CAMTA1: variants seen among roughly 807,000 people sequenced by gnomAD.
CAMTA1 encodes the protein calmodulin-binding transcription activator 1.
Under a neutral mutation model 170.9 loss-of-function variants are expected in CAMTA1, and 27 were observed. That is an observed-to-expected ratio of 0.16 (90% CI 0.12 to 0.22). The LOEUF is 0.22. CAMTA1 is among the 10% of genes least tolerant of loss of function. CAMTA1 has a pLI of 1.00. For synonymous variants in CAMTA1, 833 were observed against 891.5 expected, an observed-to-expected ratio of 0.93 and a Z score of 1.17; for missense variants, 1,619 against 2,217.2, an observed-to-expected ratio of 0.73 and a Z score of 5.42.
intron 2 of CAMTA1, among the ~76,000 whole-genome samples, chr1:6,822,823 C>A (rs1383272136): frequency 6.7e-6 from 1 of 150,102 alleles, no homozygotes; most frequent in African/African-American, 2.5e-5. Context: ...CACACACACA[C>A]ACAAACACAC....
intron 5 of CAMTA1, among the ~76,000 whole-genome samples, chr1:7,259,914 G>A (rs1667928038): frequency 6.6e-6 from 1 of 152,178 alleles, no homozygotes; most frequent in Non-Finnish European, 1.5e-5. Flanking sequence ...CACTGCTATA[G>A]CCCAGTGCTT....
intron 3 of CAMTA1, among the ~76,000 whole-genome samples, chr1:6,988,211 T>G (rs1695683151): frequency 4.6e-5 from 7 of 151,862 alleles, no homozygotes. Context: ...GTGGTGCGGG[T>G]GCGCTGGGTG....
intron 3 of CAMTA1, among the ~76,000 whole-genome samples, chr1:6,997,656 C>CTTTTTTTTTTTTTTTTTTTT (rs201500847): frequency 7.8e-6 from 1 of 128,412 alleles, no homozygotes; most frequent in Non-Finnish European, 1.6e-5. Context: ...CCTTTCTTTT[C>CTTTTTTTTTTTTTTTTTTTT]TTTCTTTTTT....
chr1:7,106,649 GC>G (rs1322696915), intron 4 of CAMTA1, among the ~76,000 whole-genome samples: 1 of 152,006 alleles, frequency 6.6e-6, no homozygotes, highest in African/African-American at 2.4e-5. Flanking sequence ...AGTATTTATA[GC>G]CCCGTGGAAC....
intron 3 of CAMTA1, among the ~76,000 whole-genome samples, chr1:6,923,235 G>A (rs375277466): frequency 1.3e-5 from 2 of 152,118 alleles, no homozygotes. Flanking sequence ...GACCAGTGAT[G>A]GCTGCAGTGG....
chr1:6,812,909 G>T (rs1328209105), intron 1 of CAMTA1, among the ~76,000 whole-genome samples: 1 of 152,150 alleles, frequency 6.6e-6, no homozygotes, highest in Non-Finnish European at 1.5e-5. Flanking sequence ...TCAATTCTAG[G>T]TGTTGAACTC....
intron 4 of CAMTA1, among the ~76,000 whole-genome samples, chr1:7,225,721 C>G (rs1166771574): frequency 6.6e-6 from 1 of 152,202 alleles, no homozygotes; most frequent in Non-Finnish European, 1.5e-5. Context: ...TGGAGAAGGT[C>G]ACAGGCGCAT....
At chr1:7,741,066 A>T (rs1307245937) in intron 16 of CAMTA1, among the ~76,000 whole-genome samples, 1 of 152,216 alleles carries the variant, frequency 6.6e-6, no homozygotes, top group Non-Finnish European at 1.5e-5. Flanking sequence ...GGAATTTGTT[A>T]GGAAGGGACT....
At chr1:7,187,860 C>T (rs918982209) in intron 4 of CAMTA1, among the ~76,000 whole-genome samples, 5 of 152,170 alleles carry the variant, frequency 3.3e-5, no homozygotes, top group Admixed American at 6.5e-5. Flanking sequence ...TTCTTGGAGA[C>T]AGCTCTTTTG....
At chr1:6,848,503 T>G (rs2148778049) in intron 3 of CAMTA1, among the ~76,000 whole-genome samples, 1 of 152,288 alleles carries the variant, frequency 6.6e-6, no homozygotes, top group Non-Finnish European at 1.5e-5. Context: ...TTTTATGCAG[T>G]TACCCTGTGG....
intron 6 of CAMTA1, among the ~76,000 whole-genome samples, chr1:7,558,877 G>T (rs1222137548): frequency 2.0e-5 from 3 of 152,246 alleles, no homozygotes; most frequent in Non-Finnish European, 4.4e-5. Flanking sequence ...TAATTTAATT[G>T]GATTTTTTTA....
intron 3 of CAMTA1, chr1:6,853,171 A>G (rs1436855877): frequency 6.6e-6 from 1 of 152,236 alleles, no homozygotes; most frequent in Non-Finnish European, 1.5e-5. Context: ...TGAAGACCAA[A>G]GAAAGGAGAA....
At position 7,426,425 on chromosome 1, in the gene CAMTA1, G is replaced by C. The variant is rs1322616402; in HGVS notation, c.439-41405G>C. On this transcript the variant is annotated intron_variant, in intron 5 of 22. Coordinates refer to ENST00000303635, the MANE Select transcript of CAMTA1 (RefSeq NM_015215.4). The surrounding 1 kb of genome is among the most constrained non-coding windows in gnomAD (Gnocchi z 4.8). ...CTCCCCCAAAAAACTGCCTACCTGG[G>C]TTTCCAACTTGCAGCCCATTATCTA... Among the ~76,000 whole-genome samples, 1 of 152,174 alleles carries C rather than the reference G, an allele frequency of 6.6e-6. No individual in the cohort carries two copies. The highest frequency in any genetic ancestry group is 1.5e-5 in the Non-Finnish European group (1 of 68,028).
chr1:7,119,295 G>A (rs373586523), intron 4 of CAMTA1, among the ~76,000 whole-genome samples: 2 of 152,058 alleles, frequency 1.3e-5, no homozygotes, highest in African/African-American at 4.8e-5. Flanking sequence ...GTCTAAGCCC[G>A]AACCCAGATG....
intron 6 of CAMTA1, among the ~76,000 whole-genome samples, chr1:7,616,793 G>C (rs2095562034): frequency 6.6e-6 from 1 of 152,224 alleles, no homozygotes; most frequent in Non-Finnish European, 1.5e-5. Context: ...GGAGGGGTGA[G>C]CGCAGAAGCT....
chr1:7,429,718 A>G (rs1478220458), intron 5 of CAMTA1, among the ~76,000 whole-genome samples: 1 of 145,374 alleles, frequency 6.9e-6, no homozygotes, highest in Non-Finnish European at 1.5e-5. Context: ...GTAAAGAGAT[A>G]CTTGAGACTG....
At chr1:6,825,596 A>G (rs966756841) in intron 3 of CAMTA1, among the ~76,000 whole-genome samples, 5 of 152,218 alleles carry the variant, frequency 3.3e-5, no homozygotes, top group Non-Finnish European at 7.3e-5. Flanking sequence ...TAGTGTCTTG[A>G]CAATGTGAAT....
intron 3 of CAMTA1, among the ~76,000 whole-genome samples, chr1:6,885,241 C>T (rs1412120342): frequency 1.3e-5 from 2 of 152,272 alleles, no homozygotes; most frequent in Middle Eastern, 3.4e-3. Context: ...TAAATTACAA[C>T]ACATGTTATG....
rs997249820 is a variant in CAMTA1, at chr1:6,887,505, C to T, written c.234+62295C>T. 3.4e-5 allele frequency: 39 copies of T among 1,148,316 alleles called. No homozygotes were observed. The highest frequency in any genetic ancestry group is 7.8e-5 in the South Asian group (5 of 63,988). 71.1% of individuals were successfully genotyped at this position (1,148,316 alleles called of 1,614,324 possible). ...AGATACATACCTGTTCATCTGTATA[C>T]GTATGTGTGTGTTTAATATATACTT... is the stretch of plus-strand genomic sequence containing the variant. On this transcript the variant is annotated intron_variant, in intron 3 of 22. Coordinates refer to ENST00000303635, the MANE Select transcript of CAMTA1 (RefSeq NM_015215.4). The surrounding 1 kb of genome is among the most constrained non-coding windows in gnomAD (Gnocchi z 4.1).
Sources: gnomAD v4.1 joint callset for allele counts (sites outside exome capture counted in the v4.1 genomes callset) on GRCh38, gnomAD v4.1.1 for gene constraint, Gnocchi (gnomAD v3.1) non-coding constraint, MANE v1.5 for transcripts, NCBI Gene and HGNC (gene_info 2026-07-23, HGNC 2026-07-21) for gene names.